WDFY4: variants seen among roughly 807,000 people sequenced by gnomAD.
WDFY4 encodes WDFY family member 4.
In WDFY4, 169 loss-of-function variants were observed where a neutral mutation model predicts 351.9. The observed-to-expected ratio is 0.48, with a 90% CI of 0.42 to 0.55. The LOEUF (loss-of-function observed/expected upper bound fraction) is 0.55. WDFY4 is among the 20% of genes least tolerant of loss of function. WDFY4 has a pLI of 0.00. For synonymous variants in WDFY4, 1,622 were observed against 1,574.6 expected, an observed-to-expected ratio of 1.03 and a Z score of -0.71; for missense variants, 3,803 against 3,935.6, an observed-to-expected ratio of 0.97 and a Z score of 0.90.
chr10:48,968,362 T>C (rs17011563), intron 55 of WDFY4: 14,793 of 152,394 alleles, frequency 0.097, 1,118 homozygotes, highest in African/African-American at 0.21. Flanking sequence ...GTAAGGGCCA[T>C]TGATGCCACA....
In WDFY4 at chr10:48,969,265, G is replaced by T. The variant is rs1457479040; in HGVS notation, c.8769+17G>T. ...TCCGACAAGGTGAGGGGGCTGCAGGGAGCAGGGGCAGCCTCAGGACCTCAG... is the reference window on the plus strand; with the variant it reads ...TCCGACAAGGTGAGGGGGCTGCAGGTAGCAGGGGCAGCCTCAGGACCTCAG... On this transcript the variant is annotated intron_variant, in intron 56 of 61. Transcript: ENST00000325239. 1.3e-6 allele frequency: 2 copies of T among 1,550,054 alleles called. No individual in the cohort carries two copies. The highest frequency in any genetic ancestry group is 1.7e-6 in the Non-Finnish European group (2 of 1,146,560).
intron 30 of WDFY4, among the ~76,000 whole-genome samples, chr10:48,812,189 TGTTTTTTTTG>T: frequency 7.6e-6 from 1 of 131,834 alleles, no homozygotes; most frequent in African/African-American, 3.9e-5. Context: ...CTTTTTTTTT[TGTTTTTTTTG>T]TTTTTTTTTG....
intron 39 of WDFY4, among the ~76,000 whole-genome samples, chr10:48,833,004 C>A (rs895380822): frequency 2.6e-5 from 4 of 151,948 alleles, no homozygotes; most frequent in African/African-American, 9.7e-5. Context: ...ACTTCATTGC[C>A]AGGAGACACA....
chr10:48,773,396 G>A (rs1284707478), intron 13 of WDFY4, among the ~76,000 whole-genome samples: 1 of 152,206 alleles, frequency 6.6e-6, no homozygotes, highest in Non-Finnish European at 1.5e-5. Flanking sequence ...AGAGAATGTG[G>A]ACAGTCCTAA....
Position 48,834,879 on chromosome 10 carries a change from T to C in WDFY4, c.6663+2170T>C, listed in dbSNP as rs564080133. On this transcript the variant is annotated intron_variant, in intron 39 of 61. Transcript: ENST00000325239. ...CCTGGGGACATGCATTGAGCAACAG[T>C]TCGTATGAAAGAAGGCTGAGTAGAC... Among the ~76,000 whole-genome samples, 599 of 152,282 alleles carry C rather than the reference T, an allele frequency of 3.9e-3. 5 individuals carry two copies. Among genetic ancestry groups the C allele is most frequent in the African/African-American group, 0.014 (569 of 41,562 alleles).
In WDFY4 at chr10:48,778,614, C is replaced by G; in HGVS notation, c.3179C>G (p.Ala1060Gly). ...GCATGCCTGTGTTCCCACCCAGGTG[C>G]CACCAGACCGTTCCCTCCTCCTGGA... Reference protein sequence around the residue: ...YSVSGGIGTGATRPFPPPGGL... With the variant: ...YSVSGGIGTGGTRPFPPPGGL... The change falls in exon 18 of 62, where the codon GCC (alanine) becomes GGC (glycine). Residue 1060 changes from alanine to glycine, a missense_variant. By Grantham distance (60) the Ala-to-Gly change is moderately conservative. Transcript: ENST00000325239. 1.3e-6 allele frequency: 2 copies of G among 1,550,652 alleles called. No homozygotes were observed. The highest frequency in any genetic ancestry group is 1.7e-6 in the Non-Finnish European group (2 of 1,146,998).
intron 47 of WDFY4, among the ~76,000 whole-genome samples, chr10:48,928,772 G>T (rs960641162): frequency 6.6e-6 from 1 of 152,182 alleles, no homozygotes; most frequent in African/African-American, 2.4e-5. Flanking sequence ...TTTGCTGACC[G>T]CCTATCACCT....
At chr10:48,868,039 G>A (rs2069616057) in intron 40 of WDFY4, among the ~76,000 whole-genome samples, 1 of 152,154 alleles carries the variant, frequency 6.6e-6, no homozygotes, top group South Asian at 2.1e-4. Flanking sequence ...CTACTATGGG[G>A]AAAGGAGCGA....
In WDFY4 at chr10:48,723,437, C is replaced by G; in HGVS notation, c.461C>G (p.Thr154Arg). The G allele has an allele frequency of 6.5e-7, 1 of 1,549,662 alleles. No individual in the cohort carries two copies. The highest frequency in any genetic ancestry group is 8.7e-7 in the Non-Finnish European group (1 of 1,146,904). Reference sequence around the variant, plus strand: ...ACGTGTGCTCTTCTCTTGCAGGAGACGCTGGGCAGGGTTGCTGAGTCTGGG... The same window carrying G: ...ACGTGTGCTCTTCTCTTGCAGGAGAGGCTGGGCAGGGTTGCTGAGTCTGGG... ...VYVLTGTDSE[T>R]LGRVAESGLP... Residue 154 changes from threonine (T) to arginine (R), a missense_variant, in exon 5 of 62, where the codon ACG becomes AGG. This residue lies in a region of WDFY4 where 488 missense variants were observed against 456.8 expected (regional missense o/e 1.07). Transcript: ENST00000325239.
In WDFY4 at chr10:48,775,006, G is replaced by A. The variant is rs114748871; in HGVS notation, c.2768+334G>A. 4.2e-3 allele frequency among the ~76,000 whole-genome samples: 636 copies of A among 152,262 alleles called. 2 individuals are homozygous for A. The highest frequency in any genetic ancestry group is 0.014 in the African/African-American group (601 of 41,560). On this transcript the variant is annotated intron_variant, in intron 14 of 61. Coordinates refer to ENST00000325239, the MANE Select transcript of WDFY4 (RefSeq NM_001394531.1). The stretch of plus-strand genomic sequence containing the variant: ...GGCTCTGCCGGGAGGGGTGGGGCTG[G>A]GAGGGGCTGACTGTGTCCTGTAGGG...
chr10:48,797,361 C>A (rs754079908), intron 24 of WDFY4, among the ~76,000 whole-genome samples: 1 of 152,066 alleles, frequency 6.6e-6, no homozygotes, highest in Non-Finnish European at 1.5e-5. Context: ...AAAGCTCTTT[C>A]TTTGTTTATT....
At position 48,755,288 on chromosome 10, in the gene WDFY4, G is replaced by A. The variant is rs181099031; in HGVS notation, c.2460-5059G>A. On this transcript the variant is annotated intron_variant, in intron 12 of 61. Transcript: ENST00000325239. ...TGTTGCTGAGTAGTTTTCCATTGTA[G>A]GGATGCAAATGTTTCCTCCCAGCCT... 1.3e-3 allele frequency among the ~76,000 whole-genome samples: 195 copies of A among 152,190 alleles called. 1 individual carries two copies. Among genetic ancestry groups the A allele is most frequent in the Non-Finnish European group, 2.2e-3 (150 of 67,974 alleles).
In WDFY4 at chr10:48,734,007, A is replaced by G; in HGVS notation, c.1659A>G (p.Thr553=). The change falls in exon 10 of 62, where the codon ACA becomes ACG. Residue 553 remains threonine (T), a synonymous_variant. Transcript: ENST00000325239. The part of the protein sequence containing the change: ...LTCVMLRIVV[T]LLKGSVRNAV... ...GTGTGATGCTGAGGATTGTAGTCAC[A>G]CTTCTGAAAGGCTCGGTGAGGAATG... 2 of 1,552,042 alleles carry G rather than the reference A, an allele frequency of 1.3e-6. No homozygotes were observed. The highest frequency in any genetic ancestry group is 1.7e-6 in the Non-Finnish European group (2 of 1,147,060).
At position 48,880,625 on chromosome 10, in the gene WDFY4, G is replaced by A. The variant is rs545380324; in HGVS notation, c.7167+3426G>A. On this transcript the variant is annotated intron_variant, in intron 43 of 61. Coordinates refer to ENST00000325239, the MANE Select transcript of WDFY4 (RefSeq NM_001394531.1). The stretch of plus-strand genomic sequence containing the variant: ...GCTGTCCTGCTTCCACTTGGCACCC[G>A]GTGGCCAGTACATTCAGAAGGGAGG... Among the ~76,000 whole-genome samples, 225 of 152,296 alleles carry A rather than the reference G, an allele frequency of 1.5e-3. 2 individuals are homozygous for A. The highest frequency in any genetic ancestry group is 5.1e-3 in the African/African-American group (211 of 41,562).
At chr10:48,748,467 G>A (rs11101454) in intron 12 of WDFY4, among the ~76,000 whole-genome samples, 21,785 of 152,022 alleles carry the variant, frequency 0.14, 1,893 homozygotes, top group African/African-American at 0.24. Context: ...GTGCACACAC[G>A]TGTGTGTGTT....
intron 1 of WDFY4, among the ~76,000 whole-genome samples, chr10:48,694,135 T>C (rs2063268772): frequency 1.3e-5 from 2 of 152,166 alleles, no homozygotes; most frequent in South Asian, 4.1e-4. Flanking sequence ...TGTGTCAAAA[T>C]CTTTCTTACC....
chr10:48,914,275 G>T, intron 47 of WDFY4: 1 of 1,063,376 alleles, frequency 9.4e-7, no homozygotes. Flanking sequence ...GATGCCAGAG[G>T]GCACTGGGCT....
intron 47 of WDFY4, among the ~76,000 whole-genome samples, chr10:48,918,108 CTAAA>C (rs1397781199): frequency 6.6e-6 from 1 of 152,002 alleles, no homozygotes; most frequent in Non-Finnish European, 1.5e-5. Context: ...TAGTAAAAAA[CTAAA>C]TATATAAATG....
chr10:48,790,922 T>TC lies in WDFY4; in HGVS notation c.4257+8dup, dbSNP rs1368836660. 1 of 1,551,394 alleles carries TC rather than the reference T, an allele frequency of 6.4e-7. No individual in the cohort carries two copies. Among genetic ancestry groups the TC allele is most frequent in the African/African-American group, 1.4e-5 (1 of 73,038 alleles). ...CAACACATCTGTGGGTACCAGGTAATCCCATCCTCCCACCTGGAACTGAGA... is the reference window on the plus strand; with the variant it reads ...CAACACATCTGTGGGTACCAGGTAATCCCCATCCTCCCACCTGGAACTGAGA... On this transcript the variant is annotated splice_donor_region_variant and intron_variant, in intron 23 of 61. Transcript: ENST00000325239.
Sources: gnomAD v4.1 joint callset for allele counts (sites outside exome capture counted in the v4.1 genomes callset) on GRCh38, gnomAD v4.1.1 for gene constraint, gnomAD v4.1.1 regional missense constraint, MANE v1.5 for transcripts, NCBI Gene and HGNC (gene_info 2026-07-23, HGNC 2026-07-21) for gene names.